Variants in DYNC2LI1 observed in about 807,000 individuals in gnomAD.
The protein encoded by DYNC2LI1 is dynein cytoplasmic 2 light intermediate chain 1.
In DYNC2LI1, 45 loss-of-function variants were observed where a neutral mutation model predicts 51.9. That is an observed-to-expected ratio of 0.87 (90% CI 0.68 to 1.11). DYNC2LI1 has a LOEUF of 1.11. DYNC2LI1 is among the 50% of genes most tolerant of loss of function. The probability of loss-of-function intolerance (pLI) is 0.00; values close to 1 mark genes in which losing one functional copy is unlikely to be tolerated. For missense variants in DYNC2LI1, 490 were observed against 417.4 expected (o/e 1.17, Z -1.51); for synonymous variants, 130 against 137.8 (o/e 0.94, Z 0.40).
the DYNC2LI1 span, among the ~76,000 whole-genome samples, chr2:43,825,642 TC>T: frequency 6.6e-6 from 1 of 152,154 alleles, no homozygotes; most frequent in Non-Finnish European, 1.5e-5. Context: ...AGACCGAATC[TC>T]ACTCTGTCAC....
intron 3 of DYNC2LI1, among the ~76,000 whole-genome samples, chr2:43,786,631 T>C (rs555240360): frequency 3.2e-4 from 49 of 152,272 alleles, no homozygotes; most frequent in Non-Finnish European, 6.5e-4. Flanking sequence ...TAGACCATCC[T>C]GGCTAACGTA....
chr2:43,796,259 G>C (rs946636090), intron 7 of DYNC2LI1, among the ~76,000 whole-genome samples: 4 of 151,640 alleles, frequency 2.6e-5, no homozygotes, highest in African/African-American at 9.7e-5. Flanking sequence ...ATTGAGCCCA[G>C]GAATTTGAGG....
chr2:43,779,118 G>T (rs114791900), intron 2 of DYNC2LI1, among the ~76,000 whole-genome samples: 1 of 152,188 alleles, frequency 6.6e-6, no homozygotes, highest in African/African-American at 2.4e-5. Context: ...AATTAGCCGG[G>T]TGTGGTGGCA....
chr2:43,823,963 T>G, the DYNC2LI1 span: 1 of 1,614,088 alleles, frequency 6.2e-7, no homozygotes, highest in South Asian at 1.1e-5. Context: ...GCCCACAAAC[T>G]GGTAAAGGAG....
Position 43,804,744 on chromosome 2 carries a change from A to T in DYNC2LI1, c.900+5A>T, listed in dbSNP as rs750384632. The T allele has an allele frequency of 6.3e-7, 1 of 1,582,552 alleles. No individual in the cohort carries two copies. The highest frequency in any genetic ancestry group is 8.6e-7 in the Non-Finnish European group (1 of 1,163,954). ...GAAAAGCTCTTTCCACCAAAGGTAC[A>T]TATTTCTAATTTTTTTAAAAGCAAG... On this transcript the variant is annotated splice_donor_5th_base_variant and intron_variant, in intron 11 of 12. Transcript: ENST00000260605.
At chr2:43,783,445 C>A in intron 2 of DYNC2LI1, 75 bp from the exon 3 acceptor site, 1 of 1,124,570 alleles carries the variant, frequency 8.9e-7, no homozygotes, top group Non-Finnish European at 1.3e-6. Context: ...TATTTTGGGC[C>A]ACAATTACGA....
the DYNC2LI1 span, chr2:43,823,799 G>T: frequency 1.6e-6 from 2 of 1,236,720 alleles, no homozygotes. Context: ...CCTGGAGAGG[G>T]CTGGGTTTAG....
At position 43,804,406 on chromosome 2, in the gene DYNC2LI1, T is replaced by G. The variant is rs187713157; in HGVS notation, c.803-236T>G. 6.4e-4 allele frequency among the ~76,000 whole-genome samples: 97 copies of G among 152,308 alleles called. 2 individuals are homozygous for G. The highest frequency in any genetic ancestry group is 1.9e-4 in the Non-Finnish European group (13 of 68,020). On this transcript the variant is annotated intron_variant, in intron 10 of 12. Coordinates refer to ENST00000260605, the MANE Select transcript of DYNC2LI1 (RefSeq NM_016008.4). The stretch of plus-strand genomic sequence containing the variant: ...TAGATACAGGTATAGGTATAGGGTG[T>G]GGAGAATGAGAGTTACAGTTTACCC...
At chr2:43,796,870 C>A in intron 8 of DYNC2LI1, 75 bp downstream of exon 8, 2 of 1,122,814 alleles carry the variant, frequency 1.8e-6, no homozygotes, top group East Asian at 2.4e-5. Flanking sequence ...TGATGCACAG[C>A]TACGAGGAAT....
intron 3 of DYNC2LI1, among the ~76,000 whole-genome samples, chr2:43,786,890 A>G (rs1673545125): frequency 6.6e-6 from 1 of 152,154 alleles, no homozygotes; most frequent in African/African-American, 2.4e-5. Flanking sequence ...GCCTGGATGT[A>G]GAGATCTTGT....
chr2:43,823,286 G>A, the DYNC2LI1 span, among the ~76,000 whole-genome samples: 2 of 81,118 alleles, frequency 2.5e-5, no homozygotes, highest in Admixed American at 1.3e-4. Flanking sequence ...ACCCCACCCC[G>A]CCCCCACCAC....
chr2:43,824,531 T>A, the DYNC2LI1 span: 1 of 1,593,198 alleles, frequency 6.3e-7, no homozygotes, highest in Non-Finnish European at 8.5e-7. Flanking sequence ...TAATACCTCA[T>A]CCCATCAAGA....
intron 10 of DYNC2LI1, among the ~76,000 whole-genome samples, chr2:43,803,887 T>C (rs1259782095): frequency 6.6e-6 from 1 of 152,206 alleles, no homozygotes; most frequent in East Asian, 1.9e-4. Context: ...GTTTTAAATT[T>C]TTCAAATTAA....
At chr2:43,822,483 C>CG in the DYNC2LI1 span, 13 of 906,682 alleles carry the variant, frequency 1.4e-5, no homozygotes, top group Non-Finnish European at 1.7e-5. Flanking sequence ...CCCAGGCCCC[C>CG]CCCCATGCAC....
chr2:43,787,251 G>T lies in DYNC2LI1; in HGVS notation c.231+1G>T. 6.2e-7 allele frequency: 1 copy of T among 1,610,886 alleles called. No individual in the cohort carries two copies. The highest frequency in any genetic ancestry group is 8.5e-7 in the Non-Finnish European group (1 of 1,177,876). Reference sequence around the variant, plus strand: ...AAGAAGAGCAAAAGGGCACAACACAGTAAGTGTCTTTTAAAGTGACATTGC... The same window carrying T: ...AAGAAGAGCAAAAGGGCACAACACATTAAGTGTCTTTTAAAGTGACATTGC... On this transcript the variant is annotated splice_donor_variant, in intron 4 of 12. Coordinates refer to ENST00000260605, the MANE Select transcript of DYNC2LI1 (RefSeq NM_016008.4). LOFTEE classifies it high-confidence loss of function.
the DYNC2LI1 span, among the ~76,000 whole-genome samples, chr2:43,815,757 A>G: frequency 0.091 from 13,852 of 152,148 alleles, 745 homozygotes; most frequent in South Asian, 0.18. Context: ...GCTCGGAACA[A>G]TAGCCAGCAA....
chr2:43,800,131 C>G (rs1413869244), intron 8 of DYNC2LI1, among the ~76,000 whole-genome samples: 2 of 152,172 alleles, frequency 1.3e-5, no homozygotes, highest in Admixed American at 6.5e-5. Context: ...TTGGTATCTA[C>G]AGAAATCCAA....
chr2:43,822,481 C>A, the DYNC2LI1 span: 1 of 875,744 alleles, frequency 1.1e-6, no homozygotes, highest in Non-Finnish European at 1.4e-6. Context: ...CCCCCAGGCC[C>A]CCCCCCATGC....
intron 4 of DYNC2LI1, among the ~76,000 whole-genome samples, chr2:43,788,882 C>G (rs1295571326): frequency 6.6e-6 from 1 of 152,220 alleles, no homozygotes; most frequent in Non-Finnish European, 1.5e-5. Context: ...GATCCTCCAG[C>G]CTTGGCCTCC....
Sources: allele counts gnomAD v4.1 joint callset (sites outside exome capture counted in the v4.1 genomes callset), GRCh38; gene constraint gnomAD v4.1.1; transcripts MANE v1.5; gene names NCBI Gene and HGNC (gene_info 2026-07-23, HGNC 2026-07-21).